Variants in CFAP46 observed in about 807,000 individuals in gnomAD.
CFAP46 encodes the protein cilia- and flagella-associated protein 46.
A neutral mutation model predicts 325.7 loss-of-function variants in CFAP46; 245 were observed. The ratio of observed to expected loss-of-function variants is 0.75; its 90% CI spans 0.68 to 0.84. The LOEUF is 0.84. Ranked by LOEUF, CFAP46 falls within the 40% of genes least tolerant of loss-of-function variation. CFAP46 has a pLI of 0.00. For synonymous variants in CFAP46, 1,523 were observed against 1,495.9 expected, an observed-to-expected ratio of 1.02 and a Z score of -0.42; for missense variants, 3,346 against 3,543.0, an observed-to-expected ratio of 0.94 and a Z score of 1.41.
intron 50 of CFAP46, among the ~76,000 whole-genome samples, chr10:132,831,797 C>T (rs1000717554): frequency 6.6e-6 from 1 of 151,950 alleles, no homozygotes; most frequent in Non-Finnish European, 1.5e-5. Context: ...CCTATCTGTT[C>T]TCTGTTCCCT....
chr10:132,860,918 T>G lies in CFAP46; in HGVS notation c.4955A>C (p.Glu1652Ala). ...TTTCTTGGCTTGTCCATAGTTTTTC[T>G]CCTTGTTGGCCAACTGTGCGAGGAG... ...LLLLAQLANK[E>A]KNYGQAKKMI... Residue 1652 changes from glutamate (E) to alanine (A), a missense_variant, in exon 36 of 58, where the codon GAG becomes GCG. Glu to Ala is a moderately radical substitution (Grantham distance 107). Coordinates refer to ENST00000368586, the MANE Select transcript of CFAP46 (RefSeq NM_001200049.3). 6.4e-7 allele frequency: 1 copy of G among 1,550,764 alleles called. No homozygotes were observed.
rs527657094 is a variant in CFAP46, at chr10:132,912,900, G to A, written c.2334-80C>T. 298 of 1,508,420 alleles carry A rather than the reference G, an allele frequency of 2.0e-4. 7 individuals are homozygous for A. In the South Asian group the frequency reaches 3.2e-3, roughly 16 times the overall value. 93.4% of individuals were successfully genotyped at this position (1,508,420 alleles called of 1,614,324 possible). A position where few individuals can be genotyped will look rare whatever the true frequency, so the allele number is the denominator to read the frequency against. On this transcript the variant is annotated intron_variant, in intron 18 of 57. Coordinates refer to ENST00000368586, the MANE Select transcript of CFAP46 (RefSeq NM_001200049.3). ...CCCATGTGCTGAGTCCTCAGGTCAC[G>A]GTAAGAGGCCTGAGATGCACGGGTG...
chr10:132,937,816 C>G, intron 5 of CFAP46, 141 bp from the exon 6 acceptor site: 2 of 1,193,412 alleles, frequency 1.7e-6, no homozygotes, highest in South Asian at 3.3e-5. Context: ...CAGCCAGAAC[C>G]AGGCTGTGTG....
At chr10:132,860,713 C>T (rs1025759439) in intron 36 of CFAP46, 69 bp downstream of exon 36, 23 of 1,488,220 alleles carry the variant, frequency 1.5e-5, no homozygotes, top group East Asian at 4.9e-5. Context: ...GCCCCATGGA[C>T]GCCCTTCCTC....
chr10:132,899,679 G>T lies in CFAP46; in HGVS notation c.2925-13C>A. ...CCGGGACTCCTCGCTGCAGGAACAGGGCCAGTGAGGAGGGAGGCCACTGTG... is the reference window on the plus strand; with the variant it reads ...CCGGGACTCCTCGCTGCAGGAACAGTGCCAGTGAGGAGGGAGGCCACTGTG... On this transcript the variant is annotated splice_polypyrimidine_tract_variant and intron_variant, in intron 22 of 57. Transcript: ENST00000368586. The T allele has an allele frequency of 6.5e-7, 1 of 1,544,096 alleles. No individual in the cohort carries two copies. Among genetic ancestry groups the T allele is most frequent in the Non-Finnish European group, 8.7e-7 (1 of 1,143,196 alleles).
intron 35 of CFAP46, among the ~76,000 whole-genome samples, chr10:132,864,992 C>A (rs1336962964): frequency 6.6e-6 from 1 of 152,348 alleles, no homozygotes; most frequent in East Asian, 1.9e-4. Flanking sequence ...CACACCTGCC[C>A]TCAGTGCCAG....
chr10:132,912,997 CA>C (rs1849577354), intron 18 of CFAP46, 48 bp downstream of exon 18: 2 of 1,533,836 alleles, frequency 1.3e-6, no homozygotes, highest in African/African-American at 2.8e-5. Context: ...TGGGGTCTCC[CA>C]AGGGAAGAAG....
chr10:132,921,951 C>T (rs1416319081), intron 13 of CFAP46, among the ~76,000 whole-genome samples, 153 bp downstream of exon 13: 7 of 152,170 alleles, frequency 4.6e-5, no homozygotes, highest in Non-Finnish European at 8.8e-5. Context: ...CCAGACCCGG[C>T]GGGCCGAGAT....
intron 20 of CFAP46, 131 bp from the exon 21 acceptor site, chr10:132,909,375 C>A: frequency 1.0e-5 from 7 of 670,840 alleles, no homozygotes; most frequent in Non-Finnish European, 1.8e-5. Flanking sequence ...GCGTTTATAC[C>A]TTAGGCTGTT....
At chr10:132,881,293 C>A (rs1005309767) in intron 27 of CFAP46, among the ~76,000 whole-genome samples, 2 of 152,166 alleles carry the variant, frequency 1.3e-5, no homozygotes, top group Non-Finnish European at 2.9e-5. Context: ...TCACCCTTTG[C>A]AGATGCCACC....
chr10:132,852,959 A>G (rs1191950456), intron 39 of CFAP46, among the ~76,000 whole-genome samples: 1 of 152,248 alleles, frequency 6.6e-6, no homozygotes, highest in Non-Finnish European at 1.5e-5. Flanking sequence ...GGTGGATTGC[A>G]TAGGACTGTG....
At position 132,885,172 on chromosome 10, in the gene CFAP46, G is replaced by C; in HGVS notation, c.3558C>G (p.Arg1186=). Residue 1186 remains arginine, a synonymous_variant, in exon 27 of 58, where the codon CGC becomes CGG. Coordinates refer to ENST00000368586, the MANE Select transcript of CFAP46 (RefSeq NM_001200049.3). ...ACACGCTCGGCGAGTTCAGGGCCAG[G>C]CGGTGCCACATGCGCGCCAAGTAGT... ...SEDYLARMWH[R]LALNSPSVSG... The C allele has an allele frequency of 6.4e-7, 1 of 1,550,506 alleles. No homozygotes were observed. Among genetic ancestry groups the C allele is most frequent in the Non-Finnish European group, 8.7e-7 (1 of 1,146,992 alleles).
At chr10:132,929,889 A>C in intron 8 of CFAP46, 85 bp from the exon 9 acceptor site, 1 of 893,730 alleles carries the variant, frequency 1.1e-6, no homozygotes, top group Non-Finnish European at 1.7e-6. Context: ...TCCCCCGTTC[A>C]AGCAGAAGCA....
chr10:132,837,931 A>ATGCACTGACACAGACACGCACGTG (rs1554876894), intron 44 of CFAP46, among the ~76,000 whole-genome samples: 1 of 142,216 alleles, frequency 7.0e-6, no homozygotes. Flanking sequence ...ACACGCAGAC[A>ATGCACTGACACAGACACGCACGTG]TGCACGGACA....
In CFAP46 at chr10:132,878,219, C is replaced by T. The variant is rs1021940075; in HGVS notation, c.4006-132G>A. 31 of 856,974 alleles carry T rather than the reference C, an allele frequency of 3.6e-5. No homozygotes were observed. In the Middle Eastern group the frequency reaches 1.0e-3, roughly 28 times the overall value. 53.1% of individuals were successfully genotyped at this position (856,974 alleles called of 1,614,324 possible). On this transcript the variant is annotated intron_variant, in intron 29 of 57. Transcript: ENST00000368586. ...AGACTCTAGTGCTCTGGTGGTCTTG[C>T]GTCCCCGTCAGCTGCCATCAGGGGA...
At chr10:132,864,620 A>T (rs2135262930) in intron 35 of CFAP46, among the ~76,000 whole-genome samples, 1 of 106,308 alleles carries the variant, frequency 9.4e-6, no homozygotes, top group Non-Finnish European at 1.9e-5. Context: ...AGTGCCCGAG[A>T]CTTGCACACA....
At position 132,879,605 on chromosome 10, in the gene CFAP46, G is replaced by A. The variant is rs767959205; in HGVS notation, c.3826C>T (p.Pro1276Ser). ...TCGGCCTCGGACACGGGGCTCCGTG[G>A]GGGCATCTCCACAGCCACGTACTCC... ...DGEYVAVEMP[P>S]RSPVSEAEEA... The change falls in exon 29 of 58, where the codon CCA becomes TCA. Residue 1276 changes from proline (P) to serine (S), a missense_variant. Physicochemically the swap from Pro to Ser is moderately conservative, Grantham distance 74 (BLOSUM62 -1). Transcript: ENST00000368586. 10 of 1,543,044 alleles carry A rather than the reference G, an allele frequency of 6.5e-6. No homozygotes were observed. Among genetic ancestry groups the A allele is most frequent in the Non-Finnish European group, 8.7e-6 (10 of 1,144,264 alleles).
Position 132,929,728 on chromosome 10 carries a change from C to T in CFAP46, c.943G>A (p.Asp315Asn). ...ACTTTGCTTTCCATCTTCTTCAGGTCTGAGAGGCAGGCAGAGGAGATCTCC... is the reference window on the plus strand; with the variant it reads ...ACTTTGCTTTCCATCTTCTTCAGGTTTGAGAGGCAGGCAGAGGAGATCTCC... ...CMEISSACLS[D>N]LKKMESKDPG... Residue 315 changes from aspartate (D) to asparagine (N), a missense_variant, in exon 9 of 58, where the codon GAC (aspartate) becomes AAC (asparagine). By Grantham distance (23) the Asp-to-Asn change is conservative. Coordinates refer to ENST00000368586, the MANE Select transcript of CFAP46 (RefSeq NM_001200049.3). The T allele has an allele frequency of 6.2e-7, 1 of 1,613,882 alleles. No homozygotes were observed. The highest frequency in any genetic ancestry group is 1.3e-5 in the African/African-American group (1 of 74,974).
At chr10:132,885,381 C>T in intron 26 of CFAP46, 95 bp from the exon 27 acceptor site, 1 of 1,263,658 alleles carries the variant, frequency 7.9e-7, no homozygotes, top group Non-Finnish European at 1.1e-6. Flanking sequence ...CCACCTCCAG[C>T]TTAAAAAGAC....
Sources: allele counts gnomAD v4.1 joint callset (sites outside exome capture counted in the v4.1 genomes callset), GRCh38; gene constraint gnomAD v4.1.1; transcripts MANE v1.5; gene names NCBI Gene and HGNC (gene_info 2026-07-23, HGNC 2026-07-21).